Variants in KALRN observed in about 807,000 individuals in gnomAD.
KALRN encodes kalirin RhoGEF kinase, also known as kalirin.
KALRN carries 70 observed loss-of-function variants against 353.7 expected under a neutral mutation model. The observed-to-expected ratio is 0.20, with a 90% confidence interval of 0.16 to 0.24. KALRN has a LOEUF of 0.24. Ranked by LOEUF, KALRN falls within the 10% of genes least tolerant of loss-of-function variation. The pLI, the probability that KALRN is intolerant of heterozygous loss-of-function variation, is 1.00. For synonymous variants in KALRN, 1,391 were observed against 1,434.8 expected (o/e 0.97, Z 0.69); for missense variants, 2,791 against 3,756.7 (o/e 0.74, Z 6.72).
intron 39 of KALRN, among the ~76,000 whole-genome samples, chr3:124,656,165 A>G (rs1439597548): frequency 6.6e-6 from 1 of 152,150 alleles, no homozygotes; most frequent in African/African-American, 2.4e-5. Context: ...TTAAGAGTCG[A>G]CTTGGTAGTA....
chr3:124,089,042 GA>G (rs888184001), intron 1 of KALRN, among the ~76,000 whole-genome samples: 2 of 143,242 alleles, frequency 1.4e-5, no homozygotes, highest in African/African-American at 5.1e-5. Context: ...TCCATAAAAA[GA>G]AAAAAAAATA....
rs1427287484 is a variant in KALRN, at chr3:124,720,315, A to G, written c.*845A>G. 1 of 152,650 alleles carries G rather than the reference A, an allele frequency of 6.6e-6. No individual in the cohort carries two copies. Among genetic ancestry groups the G allele is most frequent in the East Asian group, 1.9e-4 (1 of 5,206 alleles). The allele number at this position is 152,650 out of a possible 1,614,324, so 9.5% of individuals were successfully genotyped here. Reference sequence around the variant, plus strand: ...AAAGCCTGCCAGGAAATAAATTCAAATACAGTATGAGCTGCGGGGATATTT... The same window carrying G: ...AAAGCCTGCCAGGAAATAAATTCAAGTACAGTATGAGCTGCGGGGATATTT... On this transcript the variant is annotated 3_prime_UTR_variant, in exon 60 of 60. Transcript: ENST00000682506.
chr3:124,712,888 C>T (rs1005926650), intron 57 of KALRN, 47 bp from the exon 58 acceptor site: 1 of 1,349,012 alleles, frequency 7.4e-7, no homozygotes, highest in Non-Finnish European at 1.1e-6. Flanking sequence ...TAAAATATAT[C>T]TAGTTAATTA....
chr3:124,623,401 C>G (rs1245312063), intron 34 of KALRN, among the ~76,000 whole-genome samples: 1 of 80,976 alleles, frequency 1.2e-5, no homozygotes, highest in Non-Finnish European at 2.9e-5. Context: ...TTTATTTATA[C>G]ACACACACAC....
chr3:124,152,155 G>T, intron 1 of KALRN: 1 of 1,414,654 alleles, frequency 7.1e-7, no homozygotes, highest in Non-Finnish European at 9.9e-7. Context: ...TGCAGATGAT[G>T]CAAGAGATCG....
At chr3:124,220,315 T>G (rs1193815856) in intron 1 of KALRN, among the ~76,000 whole-genome samples, 3 of 152,164 alleles carry the variant, frequency 2.0e-5, no homozygotes, top group Admixed American at 6.5e-5. Flanking sequence ...AACAGTTTCC[T>G]TAATAGCTCC....
intron 3 of KALRN, among the ~76,000 whole-genome samples, chr3:124,253,868 C>A (rs755207412): frequency 3.0e-4 from 45 of 152,216 alleles, no homozygotes; most frequent in South Asian, 8.3e-4. Flanking sequence ...AAGCAGAAAT[C>A]TTCATCCCCC....
At position 124,262,599 on chromosome 3, in the gene KALRN, A is replaced by G. The variant is rs112021432; in HGVS notation, c.264-1899A>G. The stretch of plus-strand genomic sequence containing the variant: ...ATACTCATCCTTTCTCTCATGCTGG[A>G]GAGAGTCGCCTCTCCTGGGGACTTT... On this transcript the variant is annotated intron_variant, in intron 3 of 59. Transcript: ENST00000682506. Among the ~76,000 whole-genome samples the G allele has an allele frequency of 5.1e-4, 77 of 152,280 alleles. No homozygotes were observed. In the East Asian group the frequency reaches 0.011, roughly 21 times the overall value.
chr3:124,304,616 G>A (rs942186150), intron 6 of KALRN, among the ~76,000 whole-genome samples: 2 of 152,084 alleles, frequency 1.3e-5, no homozygotes, highest in African/African-American at 2.4e-5. Flanking sequence ...TTAAAGTATC[G>A]GAAATGGTCC....
At chr3:124,482,092 C>T (rs1011009269) in intron 27 of KALRN, among the ~76,000 whole-genome samples, 3 of 152,132 alleles carry the variant, frequency 2.0e-5, no homozygotes, top group East Asian at 1.9e-4. Flanking sequence ...TTGGAGGCCA[C>T]GGCCCTAGCC....
chr3:124,245,660 G>GGT (rs1553871934), intron 3 of KALRN, among the ~76,000 whole-genome samples: 7 of 119,778 alleles, frequency 5.8e-5, no homozygotes, highest in Non-Finnish European at 1.2e-4. Context: ...GTTATTTTCT[G>GGT]TTTTTTTTTG....
chr3:124,483,420 T>C (rs543413283), intron 28 of KALRN, among the ~76,000 whole-genome samples: 6 of 152,170 alleles, frequency 3.9e-5, no homozygotes, highest in Non-Finnish European at 5.9e-5. Context: ...GGCATGGTGG[T>C]GTGCACCTGT....
intron 14 of KALRN, among the ~76,000 whole-genome samples, chr3:124,420,771 A>G (rs531447269): frequency 6.6e-6 from 1 of 152,276 alleles, no homozygotes; most frequent in African/African-American, 2.4e-5. Context: ...ATAAAACACT[A>G]TTTTTGCCTC....
intron 47 of KALRN, among the ~76,000 whole-genome samples, chr3:124,670,386 A>G (rs1164183482): frequency 6.6e-6 from 1 of 152,188 alleles, no homozygotes. Context: ...CATCTCCTAA[A>G]TACTTAATGC....
chr3:124,389,253 C>T (rs1168062824), intron 11 of KALRN, among the ~76,000 whole-genome samples: 1 of 152,074 alleles, frequency 6.6e-6, no homozygotes, highest in Non-Finnish European at 1.5e-5. Flanking sequence ...ATGAAAGCCC[C>T]TTTTGTAGGA....
intron 51 of KALRN, among the ~76,000 whole-genome samples, chr3:124,684,487 C>G (rs2061472915): frequency 6.6e-6 from 1 of 152,158 alleles, no homozygotes; most frequent in Non-Finnish European, 1.5e-5. Flanking sequence ...AAAACTGGAA[C>G]AGGAGTCAAA....
chr3:124,333,893 A>G (rs769719484), intron 8 of KALRN, among the ~76,000 whole-genome samples: 13 of 152,216 alleles, frequency 8.5e-5, no homozygotes, highest in Non-Finnish European at 1.6e-4. Flanking sequence ...CTTTGTCTCA[A>G]AAACAAACAA....
At chr3:124,696,494 T>G (rs1689585429) in intron 54 of KALRN, among the ~76,000 whole-genome samples, 1 of 152,226 alleles carries the variant, frequency 6.6e-6, no homozygotes, top group African/African-American at 2.4e-5. Context: ...TTTAAAACAT[T>G]TATTTTTTAA....
At chr3:124,556,651 C>T (rs757977363) in intron 33 of KALRN, among the ~76,000 whole-genome samples, 73 of 152,188 alleles carry the variant, frequency 4.8e-4, no homozygotes, top group Non-Finnish European at 9.4e-4. Context: ...CAAAGTGTTA[C>T]ACCTCCTTGA....
Sources: allele counts gnomAD v4.1 joint callset (sites outside exome capture counted in the v4.1 genomes callset), GRCh38; gene constraint gnomAD v4.1.1; transcripts MANE v1.5; gene names NCBI Gene and HGNC (gene_info 2026-07-23, HGNC 2026-07-21).